The following SLC25A26 variants were observed in gnomAD, a reference collection of about 807,000 sequenced individuals.
SLC25A26 encodes the protein solute carrier family 25 member 26, also known as mitochondrial S-adenosylmethionine carrier protein.
SLC25A26 carries 36 observed loss-of-function variants against 37.8 expected under a neutral mutation model. The ratio of observed to expected loss-of-function variants is 0.95; its 90% confidence interval spans 0.73 to 1.26. The LOEUF is 1.26. Among genes scored for constraint, SLC25A26 ranks in the 50% most tolerant of loss-of-function variants. The pLI is 0.00. For missense variants in SLC25A26, 390 were observed against 331.1 expected (o/e 1.18, Z -1.38); for synonymous variants, 129 against 122.5 (o/e 1.05, Z -0.35).
At chr3:66,286,984 A>G (rs138211477) in intron 5 of SLC25A26, among the ~76,000 whole-genome samples, 5 of 151,914 alleles carry the variant, frequency 3.3e-5, no homozygotes, top group Non-Finnish European at 4.4e-5. Context: ...TTTAATTGAT[A>G]TGATGGCTAT....
intron 5 of SLC25A26, among the ~76,000 whole-genome samples, chr3:66,312,600 T>G (rs1032575969): frequency 4.4e-4 from 67 of 151,990 alleles, no homozygotes; most frequent in African/African-American, 1.6e-3. Flanking sequence ...CCACCCAGTT[T>G]TGTGCTTGAA....
At chr3:66,291,599 T>C (rs2074710684) in intron 5 of SLC25A26, among the ~76,000 whole-genome samples, 1 of 152,204 alleles carries the variant, frequency 6.6e-6, no homozygotes, top group East Asian at 1.9e-4. Flanking sequence ...TCAGTTTCCA[T>C]GTAGTTGTGC....
chr3:66,354,339 C>T (rs150976655), intron 6 of SLC25A26, among the ~76,000 whole-genome samples: 111 of 152,170 alleles, frequency 7.3e-4, no homozygotes, highest in Middle Eastern at 3.4e-3. Flanking sequence ...AAAATAAAAT[C>T]AGTTTGGTTT....
chr3:66,255,547 A>G (rs912322903), intron 3 of SLC25A26, among the ~76,000 whole-genome samples: 1 of 151,282 alleles, frequency 6.6e-6, no homozygotes. Flanking sequence ...TTTTAGATAG[A>G]ACTTTAACAT....
chr3:66,346,393 A>G lies in SLC25A26; in HGVS notation c.483A>G (p.Leu161=), dbSNP rs1239975791. Residue 161 remains leucine, a synonymous_variant, in exon 6 of 10, where the codon TTA becomes TTG. Transcript: ENST00000354883. The stretch of plus-strand genomic sequence containing the variant: ...CTTTTTCTTTGGTCCAGTTTCCCTT[A>G]TGGGAGTCCTTAAAAGTAAGTTTCT... The part of the protein sequence containing the change: ...EIPFSLVQFP[L]WESLKALWSW... 3 of 1,479,624 alleles carry G rather than the reference A, an allele frequency of 2.0e-6. No individual in the cohort carries two copies. Among genetic ancestry groups the G allele is most frequent in the Non-Finnish European group, 2.7e-6 (3 of 1,110,186 alleles). 91.7% of individuals were successfully genotyped at this position (1,479,624 alleles called of 1,614,324 possible).
At chr3:66,271,681 A>G (rs976915968) in intron 5 of SLC25A26, among the ~76,000 whole-genome samples, 1 of 152,134 alleles carries the variant, frequency 6.6e-6, no homozygotes, top group Non-Finnish European at 1.5e-5. Flanking sequence ...GTCACCCCAT[A>G]GGATCTGCCG....
chr3:66,176,470 C>G (rs1264135939), intron 1 of SLC25A26, among the ~76,000 whole-genome samples: 4 of 152,068 alleles, frequency 2.6e-5, no homozygotes, highest in Non-Finnish European at 5.9e-5. Flanking sequence ...CAGTGTATGC[C>G]TCGCAGCCTA....
At chr3:66,312,505 TG>T (rs1180214160) in intron 5 of SLC25A26, among the ~76,000 whole-genome samples, 2 of 147,220 alleles carry the variant, frequency 1.4e-5, no homozygotes, top group African/African-American at 2.6e-5. Flanking sequence ...TCTGTCTCAC[TG>T]GGGTTCCAGG....
chr3:66,139,501 A>G (rs1018441278), intron 1 of SLC25A26, among the ~76,000 whole-genome samples: 12 of 152,216 alleles, frequency 7.9e-5, no homozygotes, highest in African/African-American at 2.9e-4. Context: ...GTTTCTTTTA[A>G]TAGCATCATC....
chr3:66,259,280 C>G (rs1463373712), intron 3 of SLC25A26, among the ~76,000 whole-genome samples: 1 of 152,176 alleles, frequency 6.6e-6, no homozygotes, highest in African/African-American at 2.4e-5. Flanking sequence ...TTTTGGTTCT[C>G]TCTTTGGGTG....
At chr3:66,350,196 A>G (rs1307150301) in intron 6 of SLC25A26, among the ~76,000 whole-genome samples, 1 of 152,212 alleles carries the variant, frequency 6.6e-6, no homozygotes, top group Non-Finnish European at 1.5e-5. Context: ...TTCTTAGCCA[A>G]GACTAGCAGA....
At chr3:66,371,479 T>G in intron 9 of SLC25A26, 1 of 1,364,046 alleles carries the variant, frequency 7.3e-7, no homozygotes, top group African/African-American at 1.5e-5. Context: ...ATTTTCCAGT[T>G]GGAAGTTTGA....
intron 1 of SLC25A26, among the ~76,000 whole-genome samples, chr3:66,185,671 C>T (rs895445703): frequency 1.3e-5 from 2 of 152,098 alleles, no homozygotes; most frequent in Admixed American, 1.3e-4. Context: ...CTAACCATGG[C>T]ACTGTCTTGA....
At chr3:66,282,175 C>G (rs563619685) in intron 5 of SLC25A26, among the ~76,000 whole-genome samples, 1,597 of 151,974 alleles carry the variant, frequency 0.011, 21 homozygotes, top group African/African-American at 0.026. Flanking sequence ...CCGCGCCCGG[C>G]TAATTTTTTG....
At chr3:66,187,856 C>T (rs1292557958) in intron 1 of SLC25A26, among the ~76,000 whole-genome samples, 2 of 151,708 alleles carry the variant, frequency 1.3e-5, no homozygotes, top group Non-Finnish European at 2.9e-5. Context: ...TAACCCTTAT[C>T]TTGAGAATGA....
At chr3:66,261,887 T>C (rs2073541646) in intron 3 of SLC25A26, among the ~76,000 whole-genome samples, 164 bp from the exon 4 acceptor site, 1 of 151,952 alleles carries the variant, frequency 6.6e-6, no homozygotes, top group African/African-American at 2.4e-5. Context: ...GTACATGCTT[T>C]AAGGGTCCAA....
upstream of SLC25A26, chr3:66,220,927 C>A: frequency 1.3e-6 from 1 of 745,386 alleles, no homozygotes; most frequent in Non-Finnish European, 2.3e-6. Context: ...CTGGCCCTCC[C>A]CTAGGCCCAG....
intron 5 of SLC25A26, among the ~76,000 whole-genome samples, chr3:66,331,509 G>A (rs920845253): frequency 2.0e-5 from 3 of 151,904 alleles, no homozygotes; most frequent in Non-Finnish European, 2.9e-5. Flanking sequence ...ATGTGTGTGT[G>A]TTTTTTAAAC....
chr3:66,295,653 G>T (rs1339846932), intron 5 of SLC25A26, among the ~76,000 whole-genome samples: 1 of 151,476 alleles, frequency 6.6e-6, no homozygotes, highest in African/African-American at 2.4e-5. Context: ...CGCCCACCTC[G>T]GCCTCCCGAA....
Sources: gnomAD v4.1 joint callset for allele counts (sites outside exome capture counted in the v4.1 genomes callset) on GRCh38, gnomAD v4.1.1 for gene constraint, MANE v1.5 for transcripts, NCBI Gene and HGNC (gene_info 2026-07-23, HGNC 2026-07-21) for gene names.